Variants in DCC observed in about 807,000 individuals in gnomAD.
DCC encodes the protein DCC netrin 1 receptor, also known as netrin receptor DCC.
In DCC, 58 loss-of-function variants were observed where a neutral mutation model predicts 172.5. That is an observed-to-expected ratio of 0.34 (90% CI 0.27 to 0.42). The LOEUF (loss-of-function observed/expected upper bound fraction) is 0.42. Ranked by LOEUF, DCC falls within the 10% of genes least tolerant of loss-of-function variation. The pLI is 1.00. For synonymous variants in DCC, 709 were observed against 644.5 expected (o/e 1.10, Z -1.52); for missense variants, 1,740 against 1,791.0 (o/e 0.97, Z 0.51).
rs116020530 is a variant in DCC at position 52,842,748 on chromosome 18, C to A, written c.413-63296C>A. 2.2e-3 allele frequency among the ~76,000 whole-genome samples: 330 copies of A among 152,208 alleles called. 2 individuals carry two copies. Among genetic ancestry groups the A allele is most frequent in the African/African-American group, 7.6e-3 (314 of 41,546 alleles). On this transcript the variant is annotated intron_variant, in intron 2 of 28. Coordinates refer to ENST00000442544, the MANE Select transcript of DCC (RefSeq NM_005215.4). ...TTTTGATGCATGCTCAAGTTGAGAA[C>A]CATTGAAATAGAGTGGTCCCTAATA...
chr18:52,433,928 A>G lies in DCC; in HGVS notation c.91+93050A>G, dbSNP rs1222913. ...TAGACCATAAGAGTTGAACCTAAGA[A>G]TGTCAGTCATAAGACCATGGTGGTT... On this transcript the variant is annotated intron_variant, in intron 1 of 28. Coordinates refer to ENST00000442544, the MANE Select transcript of DCC (RefSeq NM_005215.4). Among the ~76,000 whole-genome samples, 175 of 152,306 alleles carry G rather than the reference A, an allele frequency of 1.1e-3. 2 individuals are homozygous for G. The highest frequency in any genetic ancestry group is 4.1e-3 in the African/African-American group (169 of 41,564).
Position 52,875,857 on chromosome 18 carries a change from GT to G in DCC, c.413-30185del, listed in dbSNP as rs1350276464. On this transcript the variant is annotated intron_variant, in intron 2 of 28. Transcript: ENST00000442544. ...AAGCTGGCCTGCCACACAGAGGCTG[GT>G]TCCTGGACCTTCTGGGATCTCTCAT... Among the ~76,000 whole-genome samples, 14 of 151,982 alleles carry G rather than the reference GT, an allele frequency of 9.2e-5. 1 individual carries two copies. The highest frequency in any genetic ancestry group is 5.2e-4 in the Admixed American group (8 of 15,262).
chr18:53,343,318 TGA>T (rs1263705496), intron 15 of DCC, among the ~76,000 whole-genome samples: 1 of 152,020 alleles, frequency 6.6e-6, no homozygotes, highest in Admixed American at 6.6e-5. Flanking sequence ...AAGCCTTTTG[TGA>T]GATTAAAGAA....
chr18:52,608,695 A>G (rs1201972893), intron 1 of DCC, among the ~76,000 whole-genome samples: 1 of 152,186 alleles, frequency 6.6e-6, no homozygotes, highest in Non-Finnish European at 1.5e-5. Context: ...ATAGGTAAGA[A>G]AGATGCCATT....
intron 5 of DCC, among the ~76,000 whole-genome samples, chr18:52,934,521 A>T (rs1200595840): frequency 6.6e-6 from 1 of 152,182 alleles, no homozygotes; most frequent in East Asian, 1.9e-4. Flanking sequence ...AAGAAATGCA[A>T]TTGAATGTGC....
chr18:53,143,881 A>C (rs1202918461), intron 7 of DCC, among the ~76,000 whole-genome samples: 1 of 152,222 alleles, frequency 6.6e-6, no homozygotes, highest in East Asian at 1.9e-4. Context: ...ATCCCATTTG[A>C]AGCTTAACAA....
rs1021482574 is a variant in DCC at position 52,546,778 on chromosome 18, A to C, written c.92-205276A>C. ...TTTGTACCATGTCATTCTATTTTTC[A>C]ATTGGCACTTGGGTTGCTGCTTGGC... On this transcript the variant is annotated intron_variant, in intron 1 of 28. Transcript: ENST00000442544. Among the ~76,000 whole-genome samples the C allele has an allele frequency of 7.9e-5, 12 of 152,054 alleles. No individual in the cohort carries two copies. In the East Asian group the frequency reaches 1.3e-3, roughly 17 times the overall value.
At chr18:52,613,742 A>G (rs182655000) in intron 1 of DCC, among the ~76,000 whole-genome samples, 20 of 152,188 alleles carry the variant, frequency 1.3e-4, no homozygotes, top group African/African-American at 4.3e-4. Flanking sequence ...AGGAACCATG[A>G]GTTTCCTTTG....
chr18:52,994,622 T>C (rs1316190528), intron 5 of DCC, among the ~76,000 whole-genome samples: 1 of 152,162 alleles, frequency 6.6e-6, no homozygotes, highest in Non-Finnish European at 1.5e-5. Flanking sequence ...CAAATTAAAT[T>C]TAGTTGGAAA....
chr18:52,520,551 G>T (rs906253184), intron 1 of DCC, among the ~76,000 whole-genome samples: 1 of 152,242 alleles, frequency 6.6e-6, no homozygotes, highest in East Asian at 1.9e-4. Flanking sequence ...GAAGAAATTT[G>T]CGGGGAGGCC....
At chr18:53,202,877 A>C (rs575862282) in intron 9 of DCC, among the ~76,000 whole-genome samples, 117 of 152,180 alleles carry the variant, frequency 7.7e-4, no homozygotes, top group Non-Finnish European at 1.3e-3. Context: ...AAAAGGGGCT[A>C]GATTCTTTAA....
chr18:53,185,027 A>T (rs2144496872), intron 9 of DCC, among the ~76,000 whole-genome samples: 1 of 152,314 alleles, frequency 6.6e-6, no homozygotes, highest in Admixed American at 6.5e-5. Flanking sequence ...GATCCCGTAC[A>T]TGGCCAGACA....
chr18:53,100,218 G>C (rs1241125520), intron 7 of DCC, among the ~76,000 whole-genome samples: 4 of 151,952 alleles, frequency 2.6e-5, no homozygotes, highest in African/African-American at 9.7e-5. Context: ...AAACTGCTGG[G>C]ATTACAGTGT....
At chr18:53,030,420 G>C (rs1289747381) in intron 5 of DCC, among the ~76,000 whole-genome samples, 1 of 151,862 alleles carries the variant, frequency 6.6e-6, no homozygotes, top group Non-Finnish European at 1.5e-5. Flanking sequence ...AAAGAACAGG[G>C]TCTATTCCAT....
rs867448718 is a variant in DCC, at chr18:52,908,180, A to G, written c.697+1852A>G. On this transcript the variant is annotated intron_variant, in intron 3 of 28. Transcript: ENST00000442544. ...GTACTTCAGCTATGCAGAGAGTAGC[A>G]TTCTTGTAATTCTAAAAGCAAACTG... Among the ~76,000 whole-genome samples the G allele has an allele frequency of 5.9e-5, 9 of 152,294 alleles. No individual in the cohort carries two copies. In the South Asian group the frequency reaches 1.0e-3, roughly 18 times the overall value.
intron 13 of DCC, among the ~76,000 whole-genome samples, chr18:53,312,064 C>G (rs1397031892): frequency 2.7e-5 from 4 of 150,450 alleles, no homozygotes; most frequent in African/African-American, 9.8e-5. Context: ...AATCCCAGCA[C>G]TTTGGGAGGC....
At chr18:52,783,574 G>A (rs9959936) in intron 2 of DCC, among the ~76,000 whole-genome samples, 12,422 of 151,380 alleles carry the variant, frequency 0.082, 727 homozygotes, top group South Asian at 0.16. Context: ...CAGATTTCTG[G>A]TACAGTCCTT....
intron 7 of DCC, among the ~76,000 whole-genome samples, chr18:53,152,296 G>A (rs2054653773): frequency 6.6e-6 from 1 of 152,044 alleles, no homozygotes. Flanking sequence ...ACATCATAGG[G>A]AATGAAGGTA....
intron 2 of DCC, among the ~76,000 whole-genome samples, chr18:52,821,655 T>C (rs2038408959): frequency 6.6e-6 from 1 of 152,230 alleles, no homozygotes; most frequent in Non-Finnish European, 1.5e-5. Flanking sequence ...CAGTTCTTAA[T>C]TAAACTTCTC....
Sources: allele counts gnomAD v4.1 joint callset (sites outside exome capture counted in the v4.1 genomes callset), GRCh38; gene constraint gnomAD v4.1.1; transcripts MANE v1.5; gene names NCBI Gene and HGNC (gene_info 2026-07-23, HGNC 2026-07-21).